XPO6: variants seen among roughly 807,000 people sequenced by gnomAD.
XPO6 encodes exportin-6.
XPO6 carries 3 observed loss-of-function variants against 130.0 expected under a neutral mutation model. That is an observed-to-expected ratio of 0.02 (90% CI 0.01 to 0.06). The LOEUF is 0.06. Among genes scored for constraint, XPO6 ranks in the 10% least tolerant of loss-of-function variants. The pLI is 1.00. For missense variants in XPO6, 970 were observed against 1,393.0 expected, an observed-to-expected ratio of 0.70 and a Z score of 4.83; for synonymous variants, 524 against 548.9, an observed-to-expected ratio of 0.95 and a Z score of 0.63.
chr16:28,110,313 T>C (rs575552011), intron 17 of XPO6, among the ~76,000 whole-genome samples: 1 of 152,328 alleles, frequency 6.6e-6, no homozygotes, highest in South Asian at 2.1e-4. Context: ...CAAGGCCATG[T>C]AGCTGGCTCT....
At chr16:28,124,506 C>A (rs914197110) in intron 13 of XPO6, among the ~76,000 whole-genome samples, 1 of 152,170 alleles carries the variant, frequency 6.6e-6, no homozygotes, top group Non-Finnish European at 1.5e-5. Context: ...GAGGAACGGA[C>A]TGGCAATACA....
At position 28,156,401 on chromosome 16, in the gene XPO6, A is replaced by C; in HGVS notation, c.770T>G (p.Phe257Cys). ...GCTGGCAGACAGAGGAATCCAACTGAAGAGATGGGCCAGGCACTCCAAAGC... is the reference window on the plus strand; with the variant it reads ...GCTGGCAGACAGAGGAATCCAACTGCAGAGATGGGCCAGGCACTCCAAAGC... ...SLALECLAHL[F>C]SWIPLSASIT... The change falls in exon 7 of 24, where the codon TTC (phenylalanine) becomes TGC (cysteine). Residue 257 changes from phenylalanine to cysteine, a missense_variant. By Grantham distance (205) the Phe-to-Cys change is radical. Coordinates refer to ENST00000304658, the MANE Select transcript of XPO6 (RefSeq NM_015171.4). 1 of 1,614,062 alleles carries C rather than the reference A, an allele frequency of 6.2e-7. No homozygotes were observed.
At chr16:28,146,639 C>T (rs997579814) in intron 8 of XPO6, among the ~76,000 whole-genome samples, 11 of 152,148 alleles carry the variant, frequency 7.2e-5, no homozygotes. Flanking sequence ...ATTACGAAAG[C>T]AAAAATCAGT....
chr16:28,174,839 CT>C (rs2043509102), intron 4 of XPO6, among the ~76,000 whole-genome samples: 1 of 152,156 alleles, frequency 6.6e-6, no homozygotes, highest in South Asian at 2.1e-4. Context: ...TACCCACTTC[CT>C]GCATACCCAA....
chr16:28,101,274 A>G lies in XPO6; in HGVS notation c.3276+184T>C. On this transcript the variant is annotated intron_variant, in intron 23 of 23. Coordinates refer to ENST00000304658, the MANE Select transcript of XPO6 (RefSeq NM_015171.4). This position sits in a 1 kb window ranked among gnomAD's most constrained non-coding sequence, Gnocchi z 5.4. ...TGCTACAGACACCAAGACTGGGGAA[A>G]AGGCTGTGCCCCTCAATCAGGCTAC... 1.5e-6 allele frequency: 1 copy of G among 683,668 alleles called. No homozygotes were observed. 42.4% of individuals were successfully genotyped at this position (683,668 alleles called of 1,614,324 possible). A position where few individuals can be genotyped will look rare whatever the true frequency, so the allele number is the denominator to read the frequency against.
chr16:28,184,761 G>A (rs1380605999), intron 1 of XPO6, among the ~76,000 whole-genome samples: 5 of 152,100 alleles, frequency 3.3e-5, no homozygotes, highest in African/African-American at 1.2e-4. Context: ...TACCAGAAAG[G>A]CTAAAATTTA....
chr16:28,209,824 C>T (rs1034312045), intron 1 of XPO6, among the ~76,000 whole-genome samples: 2 of 152,042 alleles, frequency 1.3e-5, no homozygotes, highest in Non-Finnish European at 2.9e-5. Context: ...ACAATTCATA[C>T]TGTGTAATAT....
chr16:28,177,419 G>A, intron 2 of XPO6, 87 bp from the exon 3 acceptor site: 1 of 691,630 alleles, frequency 1.4e-6, no homozygotes. Flanking sequence ...ATTTAAACAT[G>A]TCTCTCTGCA....
rs574144151 is a variant in XPO6 at position 28,111,867 on chromosome 16, T to C, written c.2291A>G (p.Asn764Ser). The change falls in exon 17 of 24, where the codon AAC becomes AGC. Residue 764 changes from asparagine (N) to serine (S), a missense_variant. By Grantham distance (46) the Asn-to-Ser change is conservative (BLOSUM62 1). Coordinates refer to ENST00000304658, the MANE Select transcript of XPO6 (RefSeq NM_015171.4). The part of the protein sequence containing the change: ...LISALSRDYR[N>S]LKPSAVAPQR... ...TGGGGCAACAGCACTGGGCTTCAGGTTGCGATAGTCCCGGGAGAGTGCAGA... is the reference window on the plus strand; with the variant it reads ...TGGGGCAACAGCACTGGGCTTCAGGCTGCGATAGTCCCGGGAGAGTGCAGA... 34 of 1,614,130 alleles carry C rather than the reference T, an allele frequency of 2.1e-5. No homozygotes were observed. The East Asian group carries it at 5.6e-4, about 26-fold the overall frequency.
intron 4 of XPO6, among the ~76,000 whole-genome samples, chr16:28,172,637 G>A (rs552717706): frequency 1.3e-5 from 2 of 152,214 alleles, no homozygotes; most frequent in African/African-American, 2.4e-5. Context: ...CCCACCGCAC[G>A]TAAGGCTGGG....
intron 13 of XPO6, among the ~76,000 whole-genome samples, chr16:28,125,411 C>A (rs1300438702): frequency 6.6e-6 from 1 of 152,226 alleles, no homozygotes; most frequent in Non-Finnish European, 1.5e-5. Flanking sequence ...AATAACTTAT[C>A]AGGCGTTTTG....
chr16:28,119,207 C>G (rs954124880), intron 14 of XPO6, among the ~76,000 whole-genome samples: 6 of 146,088 alleles, frequency 4.1e-5, no homozygotes, highest in African/African-American at 1.5e-4. Context: ...TTGGTAGGGA[C>G]AGAGTCTCAC....
At chr16:28,186,946 C>A (rs2043705246) in intron 1 of XPO6, among the ~76,000 whole-genome samples, 1 of 152,118 alleles carries the variant, frequency 6.6e-6, no homozygotes, top group African/African-American at 2.4e-5. Flanking sequence ...TTAAATTAAG[C>A]CCCTGGGATA....
intron 9 of XPO6, among the ~76,000 whole-genome samples, chr16:28,139,739 CA>C (rs2042851344): frequency 1.3e-5 from 2 of 151,770 alleles, no homozygotes; most frequent in African/African-American, 4.8e-5. Context: ...GAGCAACCAC[CA>C]AAAAAACCCA....
chr16:28,203,326 GGGGGAAAGGAGA>G (rs1017215870), intron 1 of XPO6, among the ~76,000 whole-genome samples: 1 of 151,820 alleles, frequency 6.6e-6, no homozygotes, highest in Non-Finnish European at 1.5e-5. Flanking sequence ...ATGAATGACA[GGGGGAAAGGAGA>G]GGTGGGAGGT....
intron 1 of XPO6, among the ~76,000 whole-genome samples, chr16:28,206,351 G>A (rs1372840761): frequency 6.6e-6 from 1 of 151,864 alleles, no homozygotes; most frequent in Non-Finnish European, 1.5e-5. Flanking sequence ...GACCAGGCTG[G>A]ACAACATAGC....
Position 28,211,541 on chromosome 16 carries a change from G to A in XPO6, c.-173C>T, listed in dbSNP as rs781087143. 3.2e-6 allele frequency: 2 copies of A among 623,910 alleles called. No homozygotes were observed. Among genetic ancestry groups the A allele is most frequent in the Non-Finnish European group, 4.8e-6 (2 of 418,938 alleles). The allele number at this position is 623,910 out of a possible 1,614,324, so 38.6% of individuals were successfully genotyped here. On this transcript the variant is annotated 5_prime_UTR_variant, in exon 1 of 24. Coordinates refer to ENST00000304658, the MANE Select transcript of XPO6 (RefSeq NM_015171.4). ...CCCTCTAAAAAGGGCAGGGCCGCCCGGGTCGCCTCATCGGGGGACCCCGAG... is the reference window on the plus strand; with the variant it reads ...CCCTCTAAAAAGGGCAGGGCCGCCCAGGTCGCCTCATCGGGGGACCCCGAG...
intron 1 of XPO6, among the ~76,000 whole-genome samples, chr16:28,184,545 C>A (rs980846953): frequency 1.3e-5 from 2 of 148,404 alleles, no homozygotes; most frequent in Non-Finnish European, 3.0e-5. Flanking sequence ...GAGCTATCTG[C>A]AATATGGAAA....
At chr16:28,121,809 A>C in intron 13 of XPO6, 47 bp from the exon 14 acceptor site, 1 of 1,306,528 alleles carries the variant, frequency 7.7e-7, no homozygotes, top group Non-Finnish European at 1.1e-6. Context: ...CTTATGAACT[A>C]AGACAGACAA....
Sources: gnomAD v4.1 joint callset for allele counts (sites outside exome capture counted in the v4.1 genomes callset) on GRCh38, gnomAD v4.1.1 for gene constraint, Gnocchi (gnomAD v3.1) non-coding constraint, MANE v1.5 for transcripts, NCBI Gene and HGNC (gene_info 2026-07-23, HGNC 2026-07-21) for gene names.